The following CATSPERB variants were observed in gnomAD, a reference collection of about 807,000 sequenced individuals.
CATSPERB encodes the protein cation channel sperm-associated auxiliary subunit beta.
Under a neutral mutation model 128.3 loss-of-function variants are expected in CATSPERB, and 93 were observed. The observed-to-expected ratio is 0.72, with a 90% CI of 0.61 to 0.86. The LOEUF (loss-of-function observed/expected upper bound fraction) is 0.86. CATSPERB is among the 40% of genes least tolerant of loss of function. CATSPERB has a pLI of 0.00. For missense variants in CATSPERB, 1,153 were observed against 1,329.5 expected (o/e 0.87, Z 2.06); for synonymous variants, 381 against 448.8 (o/e 0.85, Z 1.91).
chr14:91,602,122 A>G (rs752589032), intron 22 of CATSPERB, among the ~76,000 whole-genome samples: 1 of 152,180 alleles, frequency 6.6e-6, no homozygotes, highest in East Asian at 1.9e-4. Flanking sequence ...TCAAGTATTT[A>G]TAATATTCAC....
intron 10 of CATSPERB, among the ~76,000 whole-genome samples, chr14:91,688,470 T>A (rs1348022825): frequency 1.3e-5 from 2 of 152,202 alleles, no homozygotes; most frequent in African/African-American, 4.8e-5. Context: ...CCTTGGAATT[T>A]TCTTAATCTC....
chr14:91,650,351 T>A (rs1894682773), intron 15 of CATSPERB, among the ~76,000 whole-genome samples: 1 of 152,210 alleles, frequency 6.6e-6, no homozygotes, highest in Non-Finnish European at 1.5e-5. Context: ...TGTTTATCAG[T>A]AAAACCAGTG....
At position 91,636,587 on chromosome 14, in the gene CATSPERB, CAG is replaced by C. The variant is rs780291077; in HGVS notation, c.1588-10_1588-9del. 2.5e-6 allele frequency: 4 copies of C among 1,601,510 alleles called. No individual in the cohort carries two copies. The East Asian group carries it at 6.7e-5, about 27-fold the overall frequency. ...AAAGCCCATATCTGGAGGCTGGAAACAGAGAAAAGAAAATATTATATTTAAAC... is the reference window on the plus strand; with the variant it reads ...AAAGCCCATATCTGGAGGCTGGAAACAGAAAAGAAAATATTATATTTAAAC... On this transcript the variant is annotated splice_polypyrimidine_tract_variant and intron_variant, in intron 16 of 26. Coordinates refer to ENST00000256343, the MANE Select transcript of CATSPERB (RefSeq NM_024764.4).
At chr14:91,640,432 C>A (rs113209973) in intron 15 of CATSPERB, among the ~76,000 whole-genome samples, 13,947 of 98,584 alleles carry the variant, frequency 0.14, 1,234 homozygotes, top group Non-Finnish European at 0.16. Flanking sequence ...GTGTGATATT[C>A]CCCTTCCTGT....
At chr14:91,676,989 A>G (rs1401696375) in intron 11 of CATSPERB, among the ~76,000 whole-genome samples, 1 of 152,246 alleles carries the variant, frequency 6.6e-6, no homozygotes, top group Non-Finnish European at 1.5e-5. Context: ...TCCCTATTTA[A>G]TAAATGGTGC....
At chr14:91,617,373 T>C (rs1463739355) in intron 20 of CATSPERB, among the ~76,000 whole-genome samples, 2 of 152,192 alleles carry the variant, frequency 1.3e-5, no homozygotes, top group Non-Finnish European at 2.9e-5. Flanking sequence ...TTAAGTTTGA[T>C]AAATATATAA....
intron 9 of CATSPERB, 49 bp from the exon 10 acceptor site, chr14:91,691,604 T>C: frequency 7.3e-7 from 1 of 1,371,428 alleles, no homozygotes; most frequent in Non-Finnish European, 1.0e-6. Flanking sequence ...TCAGAAGGCC[T>C]AACAAAACAT....
chr14:91,588,081 A>C lies in CATSPERB; in HGVS notation c.2957-3T>G. On this transcript the variant is annotated splice_region_variant and splice_polypyrimidine_tract_variant and intron_variant, in intron 24 of 26. Transcript: ENST00000256343. ...AATATTTTCTGGCACAGTGTGTTCTAAAAATACATAAAACATATTTTAAGC... is the reference window on the plus strand; with the variant it reads ...AATATTTTCTGGCACAGTGTGTTCTCAAAATACATAAAACATATTTTAAGC... 6.5e-7 allele frequency: 1 copy of C among 1,534,012 alleles called. No individual in the cohort carries two copies. The highest frequency in any genetic ancestry group is 9.0e-7 in the Non-Finnish European group (1 of 1,112,110).
chr14:91,596,458 C>T (rs1411575389), intron 22 of CATSPERB, among the ~76,000 whole-genome samples: 5 of 152,144 alleles, frequency 3.3e-5, no homozygotes, highest in Non-Finnish European at 7.4e-5. Context: ...CCACCTTGGC[C>T]TCCCAAAGTG....
At chr14:91,672,022 AAACAAC>A (rs35442642) in intron 13 of CATSPERB, among the ~76,000 whole-genome samples, 79 of 150,142 alleles carry the variant, frequency 5.3e-4, no homozygotes, top group Admixed American at 1.2e-3. Context: ...TCTGTCTCAA[AAACAAC>A]AACAACAACA....
chr14:91,620,753 T>C (rs1894027339), intron 19 of CATSPERB, among the ~76,000 whole-genome samples: 1 of 152,148 alleles, frequency 6.6e-6, no homozygotes, highest in Non-Finnish European at 1.5e-5. Flanking sequence ...AATCCACATA[T>C]ACTCAAGTCC....
At chr14:91,691,602 C>A in intron 9 of CATSPERB, 47 bp from the exon 10 acceptor site, 2 of 1,415,202 alleles carry the variant, frequency 1.4e-6, no homozygotes, top group Non-Finnish European at 2.0e-6. Flanking sequence ...TATCAGAAGG[C>A]CTAACAAAAC....
At chr14:91,661,805 T>C (rs1349453989) in intron 14 of CATSPERB, among the ~76,000 whole-genome samples, 1 of 152,084 alleles carries the variant, frequency 6.6e-6, no homozygotes, top group Admixed American at 6.6e-5. Context: ...ATCACAGGCA[T>C]GAGCCACTGC....
chr14:91,661,187 C>G (rs1419013221), intron 14 of CATSPERB, among the ~76,000 whole-genome samples: 1 of 152,088 alleles, frequency 6.6e-6, no homozygotes, highest in Non-Finnish European at 1.5e-5. Context: ...TAAGGAAGGG[C>G]ACCTTGAACA....
intron 7 of CATSPERB, among the ~76,000 whole-genome samples, chr14:91,697,803 T>C (rs1895588074): frequency 6.6e-6 from 1 of 152,128 alleles, no homozygotes; most frequent in Non-Finnish European, 1.5e-5. Flanking sequence ...AGTTTGAAGT[T>C]GGGTAATGTG....
intron 23 of CATSPERB, among the ~76,000 whole-genome samples, chr14:91,591,674 G>A (rs767244392): frequency 6.6e-6 from 1 of 152,030 alleles, no homozygotes; most frequent in Non-Finnish European, 1.5e-5. Flanking sequence ...GAATGGACAA[G>A]GTAGTGCAGG....
At chr14:91,621,189 G>A (rs1894035134) in intron 19 of CATSPERB, among the ~76,000 whole-genome samples, 1 of 152,228 alleles carries the variant, frequency 6.6e-6, no homozygotes, top group East Asian at 1.9e-4. Flanking sequence ...ATCACTTGAG[G>A]TCAGGAGTTT....
At chr14:91,586,944 G>A (rs1893312740) in intron 26 of CATSPERB, among the ~76,000 whole-genome samples, 1 of 152,100 alleles carries the variant, frequency 6.6e-6, no homozygotes. Context: ...GGTGGAGAAG[G>A]AACAAAAACA....
chr14:91,639,257 G>A lies in CATSPERB; in HGVS notation c.1433-7C>T. 1 of 1,611,266 alleles carries A rather than the reference G, an allele frequency of 6.2e-7. No homozygotes were observed. Among genetic ancestry groups the A allele is most frequent in the Non-Finnish European group, 8.5e-7 (1 of 1,178,796 alleles). ...GCACTGTATCTTCCCATTCCTATTA[G>A]GAAATACAGAGAAGTGTCTTGATAC... is the stretch of plus-strand genomic sequence containing the variant. On this transcript the variant is annotated splice_region_variant and splice_polypyrimidine_tract_variant and intron_variant, in intron 15 of 26. Coordinates refer to ENST00000256343, the MANE Select transcript of CATSPERB (RefSeq NM_024764.4).
Sources: allele counts gnomAD v4.1 joint callset (sites outside exome capture counted in the v4.1 genomes callset), GRCh38; gene constraint gnomAD v4.1.1; transcripts MANE v1.5; gene names NCBI Gene and HGNC (gene_info 2026-07-23, HGNC 2026-07-21).